NEK1: variants seen among roughly 807,000 people sequenced by gnomAD.
NEK1 encodes NIMA related kinase 1.
Under a neutral mutation model 182.1 loss-of-function variants are expected in NEK1, and 137 were observed. That is an observed-to-expected ratio of 0.75 (90% CI 0.65 to 0.87). The LOEUF is 0.87. Ranked by LOEUF, NEK1 falls within the 40% of genes least tolerant of loss-of-function variation. NEK1 has a pLI of 0.00. For synonymous variants in NEK1, 513 were observed against 492.2 expected, an observed-to-expected ratio of 1.04 and a Z score of -0.56; for missense variants, 1,391 against 1,494.4, an observed-to-expected ratio of 0.93 and a Z score of 1.14.
chr4:169,409,580 C>A (rs1579367800), intron 31 of NEK1, among the ~76,000 whole-genome samples: 1 of 152,066 alleles, frequency 6.6e-6, no homozygotes, highest in East Asian at 1.9e-4. Context: ...ACTACCCTGG[C>A]TAACATGGTG....
rs184616557 is a variant in NEK1 at position 169,423,755 on chromosome 4, A to T, written c.3222+798T>A. ...AAAGATAAGAGGTGTGATTACAACA[A>T]CAAAAATTACAGCGGAAAGGCATGA... is the stretch of plus-strand genomic sequence containing the variant. On this transcript the variant is annotated intron_variant, in intron 31 of 35. Transcript: ENST00000507142. Among the ~76,000 whole-genome samples the T allele has an allele frequency of 1.3e-4, 20 of 152,322 alleles. No homozygotes were observed. The East Asian group carries it at 3.7e-3, about 28-fold the overall frequency.
intron 32 of NEK1, among the ~76,000 whole-genome samples, chr4:169,406,134 C>T (rs1732554595): frequency 7.0e-6 from 1 of 142,076 alleles, no homozygotes; most frequent in African/African-American, 2.7e-5. Flanking sequence ...GAGATGGTGT[C>T]TCACTATGTT....
At chr4:169,422,104 A>C (rs957340118) in intron 31 of NEK1, among the ~76,000 whole-genome samples, 1 of 152,232 alleles carries the variant, frequency 6.6e-6, no homozygotes, top group East Asian at 1.9e-4. Context: ...AAGCTAAGAA[A>C]GGTGAAAGAG....
At chr4:169,463,697 G>A (rs1431661062) in intron 26 of NEK1, among the ~76,000 whole-genome samples, 1 of 152,064 alleles carries the variant, frequency 6.6e-6, no homozygotes, top group African/African-American at 2.4e-5. Context: ...AAATGCTTGG[G>A]GCCAGAAGTG....
At position 169,577,733 on chromosome 4, in the gene NEK1, G is replaced by A. The variant is rs898277832; in HGVS notation, c.869-654C>T. 5.1e-4 allele frequency among the ~76,000 whole-genome samples: 77 copies of A among 151,826 alleles called. 1 individual carries two copies. The highest frequency in any genetic ancestry group is 2.4e-4 in the Non-Finnish European group (16 of 67,950). On this transcript the variant is annotated intron_variant, in intron 11 of 35. Coordinates refer to ENST00000507142, the MANE Select transcript of NEK1 (RefSeq NM_001199397.3). ...TGCGCCACTGCACTCCAGCCTGGGC[G>A]ACAGAATGAGACTCCGTCTCAAAAA...
chr4:169,567,383 T>A (rs1763877418), intron 12 of NEK1, among the ~76,000 whole-genome samples: 3 of 151,258 alleles, frequency 2.0e-5, no homozygotes, highest in African/African-American at 7.4e-5. Context: ...TCACAGAAAC[T>A]TAGTTTTAAG....
chr4:169,410,003 G>A (rs1453486167), intron 31 of NEK1, among the ~76,000 whole-genome samples: 1 of 152,034 alleles, frequency 6.6e-6, no homozygotes, highest in East Asian at 1.9e-4. Flanking sequence ...TAGTAGACTG[G>A]TAAGTTTGAA....
At chr4:169,405,157 A>G (rs1392937156) in intron 32 of NEK1, among the ~76,000 whole-genome samples, 1 of 152,200 alleles carries the variant, frequency 6.6e-6, no homozygotes, top group Non-Finnish European at 1.5e-5. Context: ...GTTATAGCCA[A>G]TTTCATTGTT....
chr4:169,496,661 T>C (rs1751354423), intron 23 of NEK1, among the ~76,000 whole-genome samples: 1 of 149,550 alleles, frequency 6.7e-6, no homozygotes, highest in African/African-American at 2.6e-5. Context: ...ATTGAGATAA[T>C]CATGTGGTTT....
chr4:169,539,378 G>A (rs1246815330), intron 18 of NEK1, among the ~76,000 whole-genome samples: 1 of 152,034 alleles, frequency 6.6e-6, no homozygotes, highest in African/African-American at 2.4e-5. Flanking sequence ...TATAAGGCTG[G>A]GCCTAAGGAA....
At chr4:169,398,019 T>C (rs1332685913) in intron 35 of NEK1, among the ~76,000 whole-genome samples, 1 of 152,202 alleles carries the variant, frequency 6.6e-6, no homozygotes, top group African/African-American at 2.4e-5. Flanking sequence ...AATGGAATCA[T>C]CCTCTGGCTT....
rs1283183544 is a variant in NEK1 at position 169,400,393 on chromosome 4, A to G, written c.3715-36T>C. On this transcript the variant is annotated intron_variant, in intron 34 of 35. Transcript: ENST00000507142. The stretch of plus-strand genomic sequence containing the variant: ...TTCCCAAATATAAATTAATATTTGA[A>G]TAACTTTCTGTAATTGCAGACTTCA... 4.9e-6 allele frequency: 7 copies of G among 1,442,444 alleles called. No homozygotes were observed. In the Admixed American group the frequency reaches 1.6e-4, roughly 32 times the overall value. 89.4% of individuals were successfully genotyped at this position (1,442,444 alleles called of 1,614,324 possible). A position where few individuals can be genotyped will look rare whatever the true frequency, so the allele number is the denominator to read the frequency against.
chr4:169,535,047 C>G (rs1758243792), intron 19 of NEK1, among the ~76,000 whole-genome samples: 1 of 152,162 alleles, frequency 6.6e-6, no homozygotes, highest in Non-Finnish European at 1.5e-5. Flanking sequence ...TGGCTGGGCA[C>G]AGTGGTTCAC....
rs970336176 is a variant in NEK1, at chr4:169,537,966, G to C, written c.1563-55C>G. 3.2e-6 allele frequency: 4 copies of C among 1,259,696 alleles called. No homozygotes were observed. The African/African-American group carries it at 6.1e-5, about 19-fold the overall frequency. 78.0% of individuals were successfully genotyped at this position (1,259,696 alleles called of 1,614,324 possible). A position where few individuals can be genotyped will look rare whatever the true frequency, so the allele number is the denominator to read the frequency against. On this transcript the variant is annotated intron_variant, in intron 18 of 35. Coordinates refer to ENST00000507142, the MANE Select transcript of NEK1 (RefSeq NM_001199397.3). The stretch of plus-strand genomic sequence containing the variant: ...TCCTGAACAGAAAATATTCTAAAAA[G>C]TTAAAAATTACATTTATCCTAAATT...
intron 19 of NEK1, among the ~76,000 whole-genome samples, chr4:169,528,095 G>T (rs1757155035): frequency 6.6e-6 from 1 of 152,068 alleles, no homozygotes; most frequent in Non-Finnish European, 1.5e-5. Context: ...CTGACTATAA[G>T]ATGGCCTCCA....
intron 12 of NEK1, among the ~76,000 whole-genome samples, chr4:169,569,761 C>G (rs1166972142): frequency 6.6e-6 from 1 of 152,152 alleles, no homozygotes; most frequent in East Asian, 1.9e-4. Context: ...CCCGAGGTGC[C>G]GGGATTGCAG....
At chr4:169,432,155 TACCTATCATAAGAGCTAGACAAACTA>T (rs1334685329) in intron 29 of NEK1, among the ~76,000 whole-genome samples, 1 of 152,188 alleles carries the variant, frequency 6.6e-6, no homozygotes, top group African/African-American at 2.4e-5. Context: ...TGCTTACCTT[TACCTATCATAAGAGCTAGACAAACTA>T]ACAGCCCAAA....
chr4:169,463,515 C>A (rs1410919506), intron 26 of NEK1, 120 bp from the exon 27 acceptor site: 2 of 526,132 alleles, frequency 3.8e-6, no homozygotes, highest in Non-Finnish European at 6.2e-6. Flanking sequence ...GGTTATATCA[C>A]AAAGACTTTC....
intron 18 of NEK1, among the ~76,000 whole-genome samples, chr4:169,550,157 G>A (rs1761196872): frequency 6.6e-6 from 1 of 152,154 alleles, no homozygotes; most frequent in South Asian, 2.1e-4. Context: ...TTCCTGAGCT[G>A]TTGTGGTGAC....
Sources: gnomAD v4.1 joint callset for allele counts (sites outside exome capture counted in the v4.1 genomes callset) on GRCh38, gnomAD v4.1.1 for gene constraint, MANE v1.5 for transcripts, NCBI Gene and HGNC (gene_info 2026-07-23, HGNC 2026-07-21) for gene names.